Variants in COG5 observed in about 807,000 individuals in gnomAD.
COG5 encodes the protein conserved oligomeric Golgi complex subunit 5.
In COG5, 86 loss-of-function variants were observed where a neutral mutation model predicts 110.4. That is an observed-to-expected ratio of 0.78 (90% confidence interval 0.65 to 0.93). COG5 has a LOEUF of 0.93. COG5 is among the 40% of genes least tolerant of loss of function. The pLI is 0.00. For missense variants in COG5, 1,077 were observed against 987.0 expected, an observed-to-expected ratio of 1.09 and a Z score of -1.22; for synonymous variants, 360 against 334.6, an observed-to-expected ratio of 1.08 and a Z score of -0.83.
chr7:107,219,411 T>C (rs1431281274), intron 19 of COG5, among the ~76,000 whole-genome samples: 2 of 152,182 alleles, frequency 1.3e-5, no homozygotes, highest in African/African-American at 2.4e-5. Flanking sequence ...TTATTTACGA[T>C]AGCCAAGTTA....
chr7:107,257,970 A>G (rs901905480), intron 15 of COG5, among the ~76,000 whole-genome samples: 7 of 152,166 alleles, frequency 4.6e-5, no homozygotes, highest in Non-Finnish European at 7.4e-5. Context: ...GTATCAAATT[A>G]CATGTTTCAA....
At chr7:107,415,959 T>C (rs530892009) in intron 6 of COG5, among the ~76,000 whole-genome samples, 6 of 121,154 alleles carry the variant, frequency 5.0e-5, no homozygotes, top group African/African-American at 1.4e-4. Flanking sequence ...TATGTGTGTG[T>C]ATATACACAC....
chr7:107,428,632 A>G (rs1793807744), intron 6 of COG5, among the ~76,000 whole-genome samples: 1 of 152,190 alleles, frequency 6.6e-6, no homozygotes, highest in Non-Finnish European at 1.5e-5. Context: ...GTTTTAAGGC[A>G]CTCAGTTTGA....
chr7:107,221,406 T>G (rs547118461), intron 19 of COG5, among the ~76,000 whole-genome samples: 1 of 152,270 alleles, frequency 6.6e-6, no homozygotes, highest in East Asian at 1.9e-4. Flanking sequence ...CTCTTAGTAC[T>G]TCCCGTATGA....
At chr7:107,484,547 A>C (rs2712192) in intron 6 of COG5, among the ~76,000 whole-genome samples, 68,749 of 151,782 alleles carry the variant, frequency 0.45, 15,838 homozygotes, top group Non-Finnish European at 0.5. Flanking sequence ...CATGGGCCTT[A>C]CCATGTCTCT....
At chr7:107,523,811 G>A (rs141651427) in intron 6 of COG5, among the ~76,000 whole-genome samples, 12 of 146,834 alleles carry the variant, frequency 8.2e-5, no homozygotes, top group Middle Eastern at 3.5e-3. Flanking sequence ...GCAAAACTTT[G>A]TCTCAAAAAG....
chr7:107,537,896 T>C (rs1801708748), intron 5 of COG5, among the ~76,000 whole-genome samples: 1 of 152,148 alleles, frequency 6.6e-6, no homozygotes, highest in South Asian at 2.1e-4. Flanking sequence ...TACTACTTCA[T>C]ACCCAATAAT....
intron 6 of COG5, among the ~76,000 whole-genome samples, chr7:107,517,947 C>T (rs1584924293): frequency 1.3e-5 from 2 of 152,204 alleles, no homozygotes; most frequent in African/African-American, 4.8e-5. Context: ...CTGCCCGCCT[C>T]GGCGTCCCAA....
chr7:107,395,628 T>C (rs780934047), intron 7 of COG5, among the ~76,000 whole-genome samples: 1 of 143,700 alleles, frequency 7.0e-6, no homozygotes, highest in South Asian at 2.3e-4. Context: ...GACCTCGGCT[T>C]ACTGCAACCT....
chr7:107,457,725 C>T (rs1007029857), intron 6 of COG5, among the ~76,000 whole-genome samples: 12 of 152,048 alleles, frequency 7.9e-5, no homozygotes, highest in African/African-American at 2.9e-4. Context: ...CCACTGCGCC[C>T]GGCCTAAAAT....
At chr7:107,525,750 T>C (rs776532435) in intron 6 of COG5, among the ~76,000 whole-genome samples, 1 of 150,438 alleles carries the variant, frequency 6.6e-6, no homozygotes, top group Non-Finnish European at 1.5e-5. Context: ...TACTTCTCAA[T>C]TTTTACTTTT....
chr7:107,513,790 T>C (rs922296816), intron 6 of COG5, among the ~76,000 whole-genome samples: 35 of 151,978 alleles, frequency 2.3e-4, no homozygotes, highest in African/African-American at 7.5e-4. Flanking sequence ...CAGCAAACTA[T>C]TGCAAGGACA....
At chr7:107,333,742 G>A (rs1214846700) in intron 10 of COG5, among the ~76,000 whole-genome samples, 2 of 152,086 alleles carry the variant, frequency 1.3e-5, no homozygotes, top group Admixed American at 1.3e-4. Context: ...TTTTGGAGGA[G>A]CAATAGAGAT....
intron 19 of COG5, among the ~76,000 whole-genome samples, chr7:107,214,655 C>T (rs925836515): frequency 6.6e-6 from 1 of 152,170 alleles, no homozygotes; most frequent in African/African-American, 2.4e-5. Context: ...GGCACAGTGA[C>T]TCATGCCTAT....
At chr7:107,228,676 T>G (rs922036044) in intron 19 of COG5, among the ~76,000 whole-genome samples, 6 of 152,114 alleles carry the variant, frequency 3.9e-5, no homozygotes, top group Non-Finnish European at 7.4e-5. Context: ...CTGAAAGCAT[T>G]TGTGATCTCA....
intron 13 of COG5, 144 bp from the exon 14 acceptor site, chr7:107,281,543 T>C: frequency 1.5e-6 from 1 of 687,962 alleles, no homozygotes; most frequent in Admixed American, 2.3e-5. Flanking sequence ...TTGCATTGTT[T>C]CATTTTACCC....
At chr7:107,210,366 G>C in intron 21 of COG5, 160 bp downstream of exon 21, 2 of 1,439,838 alleles carry the variant, frequency 1.4e-6, no homozygotes. Flanking sequence ...TCCAACTGCT[G>C]GTTGCTCCAG....
intron 6 of COG5, among the ~76,000 whole-genome samples, chr7:107,513,231 G>A (rs1485926336): frequency 6.6e-6 from 1 of 152,046 alleles, no homozygotes; most frequent in African/African-American, 2.4e-5. Context: ...TCAAAAAGTG[G>A]GCAAAGGATA....
intron 8 of COG5, among the ~76,000 whole-genome samples, chr7:107,369,318 T>TA (rs1341752176): frequency 6.6e-6 from 1 of 152,062 alleles, no homozygotes; most frequent in Non-Finnish European, 1.5e-5. Context: ...TTAATCCCCT[T>TA]AATAAACTAG....
Sources: allele counts gnomAD v4.1 joint callset (sites outside exome capture counted in the v4.1 genomes callset), GRCh38; gene constraint gnomAD v4.1.1; transcripts MANE v1.5; gene names NCBI Gene and HGNC (gene_info 2026-07-23, HGNC 2026-07-21).